Variants in PPFIA1 observed in about 807,000 individuals in gnomAD.
PPFIA1 encodes the protein PPFI scaffold protein A1, also known as liprin-alpha-1.
A neutral mutation model predicts 149.9 loss-of-function variants in PPFIA1; 25 were observed. The ratio of observed to expected loss-of-function variants is 0.17; its 90% CI spans 0.12 to 0.23. The LOEUF (loss-of-function observed/expected upper bound fraction) is 0.23. Among genes scored for constraint, PPFIA1 ranks in the 10% least tolerant of loss-of-function variants. The pLI is 1.00. For missense variants in PPFIA1, 1,362 were observed against 1,506.5 expected, an observed-to-expected ratio of 0.90 and a Z score of 1.59; for synonymous variants, 549 against 552.8, an observed-to-expected ratio of 0.99 and a Z score of 0.10.
intron 2 of PPFIA1, among the ~76,000 whole-genome samples, chr11:70,293,273 ATTG>A (rs1485932855): frequency 6.6e-6 from 1 of 151,954 alleles, no homozygotes; most frequent in African/African-American, 2.4e-5. Flanking sequence ...CCCCTTCTTC[ATTG>A]CTTTTTCCAG....
intron 25 of PPFIA1, among the ~76,000 whole-genome samples, chr11:70,377,565 G>C (rs1435488828): frequency 3.3e-5 from 5 of 152,208 alleles, no homozygotes; most frequent in African/African-American, 1.2e-4. Context: ...TTAGGAGGCT[G>C]CGGTGGGAGG....
chr11:70,332,801 CCTGT>C (rs1565407126), intron 9 of PPFIA1, among the ~76,000 whole-genome samples: 1 of 152,160 alleles, frequency 6.6e-6, no homozygotes, highest in Non-Finnish European at 1.5e-5. Flanking sequence ...AGCTGAGGCC[CCTGT>C]CTGTCGTCCT....
At chr11:70,324,306 T>G in intron 2 of PPFIA1, 96 bp from the exon 3 acceptor site, 18 of 808,976 alleles carry the variant, frequency 2.2e-5, no homozygotes, top group Non-Finnish European at 3.2e-5. Context: ...TAACTTGTAA[T>G]GAGGTTGCCT....
intron 5 of PPFIA1, among the ~76,000 whole-genome samples, chr11:70,325,889 C>T (rs2054238927): frequency 6.7e-6 from 1 of 148,850 alleles, no homozygotes; most frequent in Non-Finnish European, 1.5e-5. Flanking sequence ...GCTGAGATTG[C>T]ACCATTGCAC....
At chr11:70,344,071 T>G (rs1376715714) in intron 15 of PPFIA1, among the ~76,000 whole-genome samples, 179 bp downstream of exon 15, 1 of 152,244 alleles carries the variant, frequency 6.6e-6, no homozygotes, top group East Asian at 1.9e-4. Flanking sequence ...GAATATAAAA[T>G]TCAGGTAACC....
At chr11:70,312,657 C>T (rs1022352885) in intron 2 of PPFIA1, among the ~76,000 whole-genome samples, 2 of 152,182 alleles carry the variant, frequency 1.3e-5, no homozygotes, top group Non-Finnish European at 2.9e-5. Context: ...ATCGTGGAGC[C>T]TGCGTGTTTT....
At chr11:70,313,146 C>T (rs2053396247) in intron 2 of PPFIA1, among the ~76,000 whole-genome samples, 1 of 152,128 alleles carries the variant, frequency 6.6e-6, no homozygotes, top group Admixed American at 6.5e-5. Context: ...AGGAGGGAGA[C>T]GCTGGAGTCA....
intron 2 of PPFIA1, among the ~76,000 whole-genome samples, chr11:70,277,902 T>A (rs765656553): frequency 6.6e-6 from 1 of 151,976 alleles, no homozygotes; most frequent in Non-Finnish European, 1.5e-5. Flanking sequence ...CTTTAGTTTT[T>A]GTTTTGTTTT....
intron 19 of PPFIA1, among the ~76,000 whole-genome samples, chr11:70,360,340 A>G (rs2056574764): frequency 6.6e-6 from 1 of 152,260 alleles, no homozygotes; most frequent in South Asian, 2.1e-4. Context: ...AATTATTTTT[A>G]TTTACAGTGA....
chr11:70,325,232 T>C (rs2054189773), intron 4 of PPFIA1: 1 of 458,826 alleles, frequency 2.2e-6, no homozygotes, highest in African/African-American at 2.0e-5. Flanking sequence ...TAGTATTAGG[T>C]TGTTGCAAAA....
rs56126146 is a variant in PPFIA1, at chr11:70,294,559, T to TA, written c.264+22125dup. Among the ~76,000 whole-genome samples, 676 of 150,426 alleles carry TA rather than the reference T, an allele frequency of 4.5e-3. 9 individuals carry two copies. Among genetic ancestry groups the TA allele is most frequent in the African/African-American group, 0.016 (633 of 40,830 alleles). On this transcript the variant is annotated intron_variant, in intron 2 of 27. Coordinates refer to ENST00000253925, the MANE Select transcript of PPFIA1 (RefSeq NM_003626.5). ...AGAATTTTCTTTCTTTTTTTTTTTT[T>TA]AATTTTTATTTTTATTGATCATTCT...
intron 19 of PPFIA1, among the ~76,000 whole-genome samples, chr11:70,360,455 T>C (rs569044603): frequency 6.6e-6 from 1 of 152,392 alleles, no homozygotes; most frequent in African/African-American, 2.4e-5. Context: ...CCCTGCGCCT[T>C]GGCCAGGCCC....
At chr11:70,378,311 T>G (rs1367411867) in intron 26 of PPFIA1, 116 bp downstream of exon 26, 1 of 1,389,616 alleles carries the variant, frequency 7.2e-7, no homozygotes, top group Non-Finnish European at 9.4e-7. Context: ...CACTTGAGTA[T>G]GGTTGCATGT....
At chr11:70,378,306 G>T in intron 26 of PPFIA1, 111 bp downstream of exon 26, 2 of 1,398,082 alleles carry the variant, frequency 1.4e-6, no homozygotes, top group South Asian at 2.0e-5. Context: ...CAAGGCACTT[G>T]AGTATGGTTG....
At chr11:70,303,991 G>A (rs907348205) in intron 2 of PPFIA1, among the ~76,000 whole-genome samples, 2 of 151,754 alleles carry the variant, frequency 1.3e-5, no homozygotes, top group Admixed American at 6.6e-5. Context: ...GGGAGATAGC[G>A]AGACTTCGTC....
chr11:70,307,972 C>G (rs1424862426), intron 2 of PPFIA1, among the ~76,000 whole-genome samples: 1 of 152,210 alleles, frequency 6.6e-6, no homozygotes, highest in Non-Finnish European at 1.5e-5. Flanking sequence ...TCCTTTGCTG[C>G]TGCTACCACT....
chr11:70,359,186 T>A lies in PPFIA1; in HGVS notation c.2583-2909T>A, dbSNP rs545678821. Among the ~76,000 whole-genome samples the A allele has an allele frequency of 2.6e-5, 4 of 152,330 alleles. No individual in the cohort carries two copies. In the East Asian group the frequency reaches 7.7e-4, roughly 29 times the overall value. ...CACCACTCACTGCAGCCTTGACCTT[T>A]ATTTTTAGTAGAGACAGAGGTCTCA... On this transcript the variant is annotated intron_variant, in intron 19 of 27. Transcript: ENST00000253925.
At chr11:70,277,943 G>A (rs1246070154) in intron 2 of PPFIA1, among the ~76,000 whole-genome samples, 1 of 151,810 alleles carries the variant, frequency 6.6e-6, no homozygotes, top group East Asian at 1.9e-4. Flanking sequence ...ATGGAGTCTC[G>A]CTCTGTCGCC....
intron 7 of PPFIA1, among the ~76,000 whole-genome samples, chr11:70,329,252 T>C (rs1287075201): frequency 6.6e-6 from 1 of 152,132 alleles, no homozygotes; most frequent in South Asian, 2.1e-4. Context: ...TATTTAGATA[T>C]TTGAGTGTAT....
Sources: allele counts gnomAD v4.1 joint callset (sites outside exome capture counted in the v4.1 genomes callset), GRCh38; gene constraint gnomAD v4.1.1; transcripts MANE v1.5; gene names NCBI Gene and HGNC (gene_info 2026-07-23, HGNC 2026-07-21).